The following IGSF5 variants were observed in gnomAD, a reference collection of about 807,000 sequenced individuals.
The protein encoded by IGSF5 is immunoglobulin superfamily member 5, also known as immunoglobulin superfamily 5 like.
In IGSF5, 41 loss-of-function variants were observed where a neutral mutation model predicts 39.4. The observed-to-expected ratio is 1.04, with a 90% CI of 0.81 to 1.35. The LOEUF is 1.35. Among genes scored for constraint, IGSF5 ranks in the 40% most tolerant of loss-of-function variants. The probability of loss-of-function intolerance (pLI) is 0.00; values close to 1 mark genes in which losing one functional copy is unlikely to be tolerated. For missense variants in IGSF5, 487 were observed against 494.6 expected (o/e 0.98, Z 0.15); for synonymous variants, 183 against 175.3 (o/e 1.04, Z -0.34).
chr21:39,776,014 A>G (rs1324007900), intron 4 of IGSF5, among the ~76,000 whole-genome samples: 1 of 152,160 alleles, frequency 6.6e-6, no homozygotes, highest in Non-Finnish European at 1.5e-5. Flanking sequence ...TCTTGTCTGC[A>G]TGATGAAAAG....
At chr21:39,737,054 CTACAACCCTGTG>C in the IGSF5 span, among the ~76,000 whole-genome samples, 2 of 152,174 alleles carry the variant, frequency 1.3e-5, no homozygotes, top group African/African-American at 4.8e-5. Flanking sequence ...GGATAAGATG[CTACAACCCTGTG>C]TATATTTGTG....
At chr21:39,716,644 C>T in the IGSF5 span, among the ~76,000 whole-genome samples, 1 of 152,194 alleles carries the variant, frequency 6.6e-6, no homozygotes, top group South Asian at 2.1e-4. Flanking sequence ...TGATAGCCTC[C>T]AGCTCCATCT....
chr21:39,779,048 G>A, intron 4 of IGSF5, 42 bp from the exon 5 acceptor site: 1 of 1,598,526 alleles, frequency 6.3e-7, no homozygotes, highest in Non-Finnish European at 8.5e-7. Flanking sequence ...TGTGATTCTA[G>A]GCAGTGCAAG....
At chr21:39,772,839 A>G (rs2080121897) in intron 4 of IGSF5, among the ~76,000 whole-genome samples, 1 of 152,102 alleles carries the variant, frequency 6.6e-6, no homozygotes, top group Non-Finnish European at 1.5e-5. Flanking sequence ...CGTAAGTTTG[A>G]CCGTTTGGTG....
the IGSF5 span, among the ~76,000 whole-genome samples, chr21:39,731,155 AG>A: frequency 1.3e-5 from 2 of 152,186 alleles, no homozygotes; most frequent in Non-Finnish European, 2.9e-5. Context: ...TATCAGCCAA[AG>A]TAATTTGAAG....
intron 2 of IGSF5, among the ~76,000 whole-genome samples, chr21:39,757,875 A>C (rs7282336): frequency 0.82 from 124,209 of 152,024 alleles, 50,915 homozygotes; most frequent in Admixed American, 0.86. Flanking sequence ...CCGCGCCCAG[A>C]CTGTGCTTTC....
chr21:39,725,615 A>C, the IGSF5 span, among the ~76,000 whole-genome samples: 9 of 152,250 alleles, frequency 5.9e-5, no homozygotes, highest in African/African-American at 1.9e-4. Context: ...GGTTCAGTCT[A>C]TAAAACCTGA....
intron 2 of IGSF5, among the ~76,000 whole-genome samples, chr21:39,758,637 G>A (rs1450540896): frequency 6.6e-6 from 1 of 152,154 alleles, no homozygotes; most frequent in Non-Finnish European, 1.5e-5. Flanking sequence ...GGTGTCAGCT[G>A]GAGTGAACTC....
chr21:39,776,217 ATATAT>A (rs1279208197), intron 4 of IGSF5, among the ~76,000 whole-genome samples: 1 of 151,490 alleles, frequency 6.6e-6, no homozygotes, highest in East Asian at 1.9e-4. Context: ...GATATAAAAT[ATATAT>A]TATATATGAT....
intron 6 of IGSF5, chr21:39,791,778 G>A: frequency 2.2e-6 from 1 of 454,826 alleles, no homozygotes; most frequent in Admixed American, 3.6e-5. Flanking sequence ...GGGGAGTAGA[G>A]TCCATGGACC....
At chr21:39,794,076 A>G (rs1362726345) in intron 8 of IGSF5, among the ~76,000 whole-genome samples, 2 of 152,160 alleles carry the variant, frequency 1.3e-5, no homozygotes, top group Non-Finnish European at 2.9e-5. Context: ...ATCAGGACAG[A>G]GAAAATGTAG....
the IGSF5 span, among the ~76,000 whole-genome samples, chr21:39,738,871 A>G: frequency 6.6e-6 from 1 of 151,262 alleles, no homozygotes; most frequent in Non-Finnish European, 1.5e-5. The surrounding 1 kb of genome is among the most constrained non-coding windows in gnomAD (Gnocchi z 6.4). Flanking sequence ...CCTCTCTGGC[A>G]GATACGAGGA....
At chr21:39,782,978 G>A (rs1308808451) in intron 5 of IGSF5, among the ~76,000 whole-genome samples, 2 of 152,064 alleles carry the variant, frequency 1.3e-5, no homozygotes, top group Admixed American at 6.6e-5. Context: ...GTGAGAACAT[G>A]TGGTATTTAT....
the IGSF5 span, among the ~76,000 whole-genome samples, chr21:39,714,502 A>T: frequency 6.6e-6 from 1 of 152,230 alleles, no homozygotes; most frequent in Non-Finnish European, 1.5e-5. Flanking sequence ...AGTATCACAC[A>T]CTGGGTGGCT....
At chr21:39,751,684 G>A (rs753244384) in intron 2 of IGSF5, among the ~76,000 whole-genome samples, 4 of 152,200 alleles carry the variant, frequency 2.6e-5, no homozygotes, top group Non-Finnish European at 4.4e-5. Flanking sequence ...TACCGACTTC[G>A]AGGGTACAAA....
chr21:39,721,294 T>A, the IGSF5 span, among the ~76,000 whole-genome samples: 1 of 152,154 alleles, frequency 6.6e-6, no homozygotes, highest in East Asian at 1.9e-4. Context: ...AATACCCACC[T>A]CTTATCATTG....
chr21:39,738,876 C>T, the IGSF5 span, among the ~76,000 whole-genome samples: 5 of 150,538 alleles, frequency 3.3e-5, no homozygotes, highest in Admixed American at 1.3e-4. This position sits in a 1 kb window ranked among gnomAD's most constrained non-coding sequence, Gnocchi z 6.4. Flanking sequence ...CTGGCAGATA[C>T]GAGGAGGGCA....
At chr21:39,740,735 T>G (rs2079944938), upstream of IGSF5, among the ~76,000 whole-genome samples, 1 of 152,186 alleles carries the variant, frequency 6.6e-6, no homozygotes, top group African/African-American at 2.4e-5. Context: ...ACAGTTATGT[T>G]CTATCTTTTC....
upstream of IGSF5, among the ~76,000 whole-genome samples, chr21:39,740,733 G>T (rs1277919735): frequency 1.3e-5 from 2 of 152,178 alleles, no homozygotes. Context: ...TGACAGTTAT[G>T]TTCTATCTTT....
Sources: allele counts gnomAD v4.1 joint callset (sites outside exome capture counted in the v4.1 genomes callset), GRCh38; gene constraint gnomAD v4.1.1; non-coding constraint Gnocchi (gnomAD v3.1); transcripts MANE v1.5; gene names NCBI Gene and HGNC (gene_info 2026-07-23, HGNC 2026-07-21).